Variants in ERP27 observed in about 807,000 individuals in gnomAD.
The protein encoded by ERP27 is endoplasmic reticulum protein 27.
In ERP27, 23 loss-of-function variants were observed where a neutral mutation model predicts 27.7. The ratio of observed to expected loss-of-function variants is 0.83; its 90% CI spans 0.60 to 1.18. ERP27 has a LOEUF of 1.18. ERP27 is among the 50% of genes most tolerant of loss of function. ERP27 has a pLI of 0.00. For synonymous variants in ERP27, 159 were observed against 118.3 expected (o/e 1.34, Z -2.23); for missense variants, 363 against 327.9 (o/e 1.11, Z -0.83).
At position 14,938,418 on chromosome 12, in the gene ERP27, A is replaced by G. The variant is rs1863804312; in HGVS notation, c.91T>C (p.Ser31Pro). ...CCCAACTACATTTTTCTTTTACCTG[A>G]GGATTTCTCAACTTCTGCAGCAACT... ...AEVAAEVEKS[S>P]DGPGAAQEPT... is the part of the protein sequence containing the mutation. Residue 31 changes from serine to proline, a missense_variant, in exon 1 of 7, where the codon TCA becomes CCA. Transcript: ENST00000266397. 1 of 1,614,008 alleles carries G rather than the reference A, an allele frequency of 6.2e-7. No homozygotes were observed. Among genetic ancestry groups the G allele is most frequent in the Non-Finnish European group, 8.5e-7 (1 of 1,179,994 alleles).
Position 14,915,697 on chromosome 12 carries a change from G to A in ERP27, c.577-11C>T, listed in dbSNP as rs777686025. 1.9e-5 allele frequency: 30 copies of A among 1,609,718 alleles called. No individual in the cohort carries two copies. The South Asian group carries it at 3.3e-4, about 18-fold the overall frequency. ...CAGAATAAAGAGAATCTGCAGTTGG[G>A]GAAGTTTGAAAGAAAAAGTTCTATC... is the stretch of plus-strand genomic sequence containing the variant. On this transcript the variant is annotated splice_polypyrimidine_tract_variant and intron_variant, in intron 5 of 6. Transcript: ENST00000266397.
chr12:14,926,164 C>T (rs1280777389), intron 3 of ERP27, among the ~76,000 whole-genome samples: 1 of 152,070 alleles, frequency 6.6e-6, no homozygotes, highest in African/African-American at 2.4e-5. Flanking sequence ...AGTATCAGTA[C>T]ATGTATTTGA....
At chr12:14,934,476 A>G (rs1863745617) in intron 3 of ERP27, among the ~76,000 whole-genome samples, 1 of 152,228 alleles carries the variant, frequency 6.6e-6, no homozygotes, top group African/African-American at 2.4e-5. Flanking sequence ...AAGAACATAA[A>G]TGAACTCCTC....
At chr12:14,934,791 C>A in intron 3 of ERP27, 65 bp downstream of exon 3, 1 of 1,591,644 alleles carries the variant, frequency 6.3e-7, no homozygotes, top group Non-Finnish European at 8.6e-7. Flanking sequence ...TCCAGTCTCA[C>A]AAGTTTATGA....
chr12:14,927,853 A>T (rs766230628), intron 3 of ERP27, among the ~76,000 whole-genome samples: 6 of 152,028 alleles, frequency 3.9e-5, no homozygotes, highest in African/African-American at 7.2e-5. Flanking sequence ...TAGCTACATG[A>T]TCCATTATCC....
chr12:14,930,334 G>A (rs1435534272), intron 3 of ERP27, among the ~76,000 whole-genome samples: 1 of 152,128 alleles, frequency 6.6e-6, no homozygotes, highest in African/African-American at 2.4e-5. Context: ...ATAAATAACT[G>A]TAAAAGGAAT....
intron 3 of ERP27, among the ~76,000 whole-genome samples, chr12:14,923,520 T>TATCTATCTATC (rs1161660657): frequency 4.6e-5 from 7 of 151,798 alleles, no homozygotes; most frequent in Admixed American, 6.6e-5. Context: ...TCTATCTATC[T>TATCTATCTATC]ATCTATCTAT....
intron 3 of ERP27, among the ~76,000 whole-genome samples, chr12:14,925,176 T>G (rs534378246): frequency 9.2e-5 from 14 of 152,228 alleles, no homozygotes; most frequent in Non-Finnish European, 1.5e-4. Flanking sequence ...CTGAATTCTT[T>G]CTTTCGCAAG....
chr12:14,919,100 G>C (rs992887815), intron 4 of ERP27, among the ~76,000 whole-genome samples: 3 of 152,120 alleles, frequency 2.0e-5, no homozygotes, highest in Non-Finnish European at 2.9e-5. Context: ...TGCATGGCTG[G>C]GATTTTCTGC....
At chr12:14,920,876 C>T in intron 4 of ERP27, 56 bp downstream of exon 4, 1 of 1,362,448 alleles carries the variant, frequency 7.3e-7, no homozygotes. Flanking sequence ...TTATGAAGAC[C>T]AGTACCTTCC....
intron 3 of ERP27, among the ~76,000 whole-genome samples, chr12:14,927,210 C>A (rs1456833675): frequency 6.6e-6 from 1 of 151,856 alleles, no homozygotes; most frequent in African/African-American, 2.4e-5. Context: ...AACATTTTAT[C>A]TTTTGTTAAG....
intron 6 of ERP27, among the ~76,000 whole-genome samples, chr12:14,915,141 C>T (rs1013526925): frequency 6.6e-6 from 1 of 152,054 alleles, no homozygotes; most frequent in Non-Finnish European, 1.5e-5. Flanking sequence ...ATAATAGTTA[C>T]GTTTTTATGG....
chr12:14,938,026 TG>T lies in ERP27; in HGVS notation c.120del (p.Thr41ArgfsTer21). ...GCAGCTGGGACATCTGTGAGCCACG[TG>T]GGTTCCTGGGCAGCACCAGGACCAT... Reference protein sequence around the residue: ...SSDGPGAAQEPTWLTDVPAAM... With the variant: ...SSDGPGAAQEXTWLTDVPAAM... On this transcript the variant is annotated frameshift_variant, in exon 2 of 7. Transcript: ENST00000266397. LOFTEE classifies it high-confidence loss of function. 1 of 1,614,104 alleles carries T rather than the reference TG, an allele frequency of 6.2e-7. No homozygotes were observed. The highest frequency in any genetic ancestry group is 8.5e-7 in the Non-Finnish European group (1 of 1,179,964).
At chr12:14,936,059 G>C (rs559840558) in intron 2 of ERP27, among the ~76,000 whole-genome samples, 3 of 152,000 alleles carry the variant, frequency 2.0e-5, no homozygotes, top group African/African-American at 7.3e-5. Context: ...TGTCTTCTTG[G>C]TTTACTGGAT....
chr12:14,920,474 T>G (rs1038555437), intron 4 of ERP27, among the ~76,000 whole-genome samples: 1 of 152,190 alleles, frequency 6.6e-6, no homozygotes, highest in Non-Finnish European at 1.5e-5. Context: ...TCATTTAAAA[T>G]TTTTTTGTTT....
rs753230012 is a variant in ERP27, at chr12:14,920,916, A to C, written c.450+16T>G. 1.2e-6 allele frequency: 2 copies of C among 1,600,104 alleles called. No homozygotes were observed. Among genetic ancestry groups the C allele is most frequent in the Non-Finnish European group, 1.7e-6 (2 of 1,167,286 alleles). ...CTCAGGGTCTGAAGGGACTAAGAAC[A>C]GGAAGTATTGTTTACCACAGGGTTG... is the stretch of plus-strand genomic sequence containing the variant. On this transcript the variant is annotated intron_variant, in intron 4 of 6. Coordinates refer to ENST00000266397, the MANE Select transcript of ERP27 (RefSeq NM_152321.4).
chr12:14,930,295 T>C (rs1049967667), intron 3 of ERP27, among the ~76,000 whole-genome samples: 6 of 152,214 alleles, frequency 3.9e-5, no homozygotes, highest in African/African-American at 1.2e-4. Context: ...CTTTGTCTGG[T>C]GAGGTAAATT....
chr12:14,923,386 A>G (rs1011207181), intron 3 of ERP27, among the ~76,000 whole-genome samples: 2 of 151,362 alleles, frequency 1.3e-5, no homozygotes, highest in Admixed American at 1.3e-4. Context: ...CTTAATATGT[A>G]TATTCATATA....
At chr12:14,924,445 G>A (rs1863565576) in intron 3 of ERP27, among the ~76,000 whole-genome samples, 1 of 152,088 alleles carries the variant, frequency 6.6e-6, no homozygotes, top group African/African-American at 2.4e-5. Context: ...AATTTTTGAG[G>A]AATGTTCATA....
Sources: gnomAD v4.1 joint callset for allele counts (sites outside exome capture counted in the v4.1 genomes callset) on GRCh38, gnomAD v4.1.1 for gene constraint, MANE v1.5 for transcripts, NCBI Gene and HGNC (gene_info 2026-07-23, HGNC 2026-07-21) for gene names.